MED13L: variants seen among roughly 807,000 people sequenced by gnomAD.
The protein encoded by MED13L is mediator of RNA polymerase II transcription subunit 13-like.
MED13L carries 7 observed loss-of-function variants against 220.9 expected under a neutral mutation model. The observed-to-expected ratio is 0.03, with a 90% CI of 0.02 to 0.06. The LOEUF (loss-of-function observed/expected upper bound fraction) is 0.06, where lower values mean the gene tolerates loss of function less well. Among genes scored for constraint, MED13L ranks in the 10% least tolerant of loss-of-function variants. The pLI is 1.00. For synonymous variants in MED13L, 1,011 were observed against 1,015.2 expected (o/e 1.00, Z 0.08); for missense variants, 1,965 against 2,760.5 (o/e 0.71, Z 6.46).
intron 16 of MED13L, among the ~76,000 whole-genome samples, chr12:115,996,249 C>T (rs938246185): frequency 1.2e-4 from 19 of 152,204 alleles, no homozygotes; most frequent in African/African-American, 3.6e-4. Context: ...TGCCACCAAG[C>T]CCAGCTAATT....
At chr12:116,110,227 G>C (rs1037110421) in intron 3 of MED13L, 1 of 152,104 alleles carries the variant, frequency 6.6e-6, no homozygotes, top group Admixed American at 6.6e-5. Context: ...ACATAGGAGC[G>C]AGCCATCACA....
chr12:116,051,708 G>T (rs1868522552), intron 4 of MED13L, among the ~76,000 whole-genome samples: 1 of 152,098 alleles, frequency 6.6e-6, no homozygotes, highest in Non-Finnish European at 1.5e-5. Flanking sequence ...AATCCTGAAG[G>T]TAATTTTGCA....
At chr12:115,982,816 T>C (rs928129673) in intron 21 of MED13L, among the ~76,000 whole-genome samples, 3 of 152,238 alleles carry the variant, frequency 2.0e-5, no homozygotes, top group African/African-American at 7.2e-5. Context: ...TCCTCTAAAA[T>C]GGGAGGTATC....
rs535707954 is a variant in MED13L, at chr12:116,127,286, ATAATT to A, written c.311-15779_311-15775del. Among the ~76,000 whole-genome samples the A allele has an allele frequency of 4.9e-4, 74 of 152,254 alleles. 1 individual carries two copies. Among genetic ancestry groups the A allele is most frequent in the Admixed American group, 7.2e-4 (11 of 15,266 alleles). ...TATGAAATTTTGTTTGTTATAACTC[ATAATT>A]TAAAAACATTTTTTCAATTCCGATT... On this transcript the variant is annotated intron_variant, in intron 2 of 30. Transcript: ENST00000281928.
Position 116,277,532 on chromosome 12 carries a change from C to T in MED13L, c.-401G>A, listed in dbSNP as rs1255998100. Among the ~76,000 whole-genome samples the T allele has an allele frequency of 2.0e-5, 3 of 149,308 alleles. No individual in the cohort carries two copies. The East Asian group carries it at 6.0e-4, about 30-fold the overall frequency. On this transcript the variant is annotated 5_prime_UTR_variant, in exon 1 of 31. Coordinates refer to ENST00000281928, the MANE Select transcript of MED13L (RefSeq NM_015335.5). ...GCCGCCGCCTCGGAGCCGCCGCCGC[C>T]GCGGAGCGCGAACTCGCGAAGGGGG...
intron 2 of MED13L, among the ~76,000 whole-genome samples, chr12:116,121,365 T>C (rs1344834505): frequency 2.0e-5 from 3 of 152,050 alleles, no homozygotes; most frequent in Admixed American, 6.6e-5. Flanking sequence ...AGAAAAAACA[T>C]AGAAAAGGTT....
At chr12:116,197,453 G>A (rs1466953100) in intron 2 of MED13L, among the ~76,000 whole-genome samples, 1 of 152,026 alleles carries the variant, frequency 6.6e-6, no homozygotes. Flanking sequence ...GGACACAAAT[G>A]GGAGCTCCAA....
chr12:116,169,547 T>C (rs889047473), intron 2 of MED13L, among the ~76,000 whole-genome samples: 2 of 152,208 alleles, frequency 1.3e-5, no homozygotes, highest in Non-Finnish European at 2.9e-5. Context: ...TAACAATACG[T>C]TGTTTTGGTT....
At chr12:116,078,347 T>C in intron 4 of MED13L, among the ~76,000 whole-genome samples, 1 of 152,300 alleles carries the variant, frequency 6.6e-6, no homozygotes, top group African/African-American at 2.4e-5. Context: ...AATTTCTACA[T>C]ATAATTTCTA....
chr12:116,133,806 C>T (rs1037626747), intron 2 of MED13L, among the ~76,000 whole-genome samples: 8 of 152,196 alleles, frequency 5.3e-5, no homozygotes, highest in African/African-American at 1.9e-4. Context: ...TCAGGAAGAT[C>T]ACTTTTGGAG....
intron 14 of MED13L, 141 bp from the exon 15 acceptor site, chr12:115,997,371 G>A: frequency 2.9e-6 from 2 of 688,862 alleles, no homozygotes; most frequent in Non-Finnish European, 4.9e-6. Flanking sequence ...ATTAATAATG[G>A]AAGTGACTAA....
intron 4 of MED13L, among the ~76,000 whole-genome samples, chr12:116,083,686 CAAAA>C (rs1039720974): frequency 6.6e-6 from 1 of 152,116 alleles, no homozygotes. Flanking sequence ...GCTGCACGTA[CAAAA>C]AGTCATAATT....
At chr12:116,120,038 C>T (rs942219921) in intron 2 of MED13L, among the ~76,000 whole-genome samples, 2 of 151,670 alleles carry the variant, frequency 1.3e-5, no homozygotes, top group Admixed American at 1.3e-4. Flanking sequence ...TTCATAGCTG[C>T]TGTGGCTAGA....
intron 7 of MED13L, among the ~76,000 whole-genome samples, chr12:116,016,753 C>T (rs1374771078): frequency 6.6e-6 from 1 of 152,158 alleles, no homozygotes; most frequent in African/African-American, 2.4e-5. Context: ...AGACTTGTTA[C>T]TCCAATCTGT....
intron 4 of MED13L, among the ~76,000 whole-genome samples, chr12:116,078,634 TG>T (rs1428984609): frequency 1.3e-5 from 2 of 152,232 alleles, no homozygotes; most frequent in Non-Finnish European, 2.9e-5. Flanking sequence ...TATGCCTCTT[TG>T]CTTACATATC....
chr12:116,153,633 C>T (rs1878217902), intron 2 of MED13L, among the ~76,000 whole-genome samples: 1 of 152,182 alleles, frequency 6.6e-6, no homozygotes, highest in South Asian at 2.1e-4. Context: ...CCTATGGCAA[C>T]TCCTCACAGG....
intron 2 of MED13L, among the ~76,000 whole-genome samples, chr12:116,125,364 C>T (rs970420070): frequency 2.0e-5 from 3 of 152,154 alleles, no homozygotes; most frequent in Non-Finnish European, 4.4e-5. Flanking sequence ...TTTTGTAAAA[C>T]AGCAAAATGC....
In MED13L at chr12:115,991,303, T is replaced by A. The variant is rs1488495787; in HGVS notation, c.3651A>T (p.Lys1217Asn). Residue 1217 changes from lysine to asparagine, a missense_variant, in exon 17 of 31, where the codon AAA (lysine) becomes AAT (asparagine). Around this residue, in one of 10 missense-constraint regions of MED13L, gnomAD observed 165 missense variants for 190.8 expected, o/e 0.86. Transcript: ENST00000281928. This position sits in a 1 kb window ranked among gnomAD's most constrained non-coding sequence, Gnocchi z 7.7. ...TFLPQVEGTKKPQEPPISLLL... is the reference protein window; with the variant it reads ...TFLPQVEGTKNPQEPPISLLL... Reference sequence around the variant, plus strand: ...GAAGGCTTATGGGTGGCTCCTGGGGTTTTTTGGTTCCTTCCACCTGAGGAA... The same window carrying A: ...GAAGGCTTATGGGTGGCTCCTGGGGATTTTTGGTTCCTTCCACCTGAGGAA... The A allele has an allele frequency of 6.2e-7, 1 of 1,613,542 alleles. No homozygotes were observed. Among genetic ancestry groups the A allele is most frequent in the Non-Finnish European group, 8.5e-7 (1 of 1,179,898 alleles).
chr12:115,985,969 G>T (rs181941640), intron 19 of MED13L, among the ~76,000 whole-genome samples: 1 of 152,130 alleles, frequency 6.6e-6, no homozygotes, highest in Non-Finnish European at 1.5e-5. Context: ...CTTTCCCCTG[G>T]TGAGCAATAT....
Sources: allele counts gnomAD v4.1 joint callset (sites outside exome capture counted in the v4.1 genomes callset), GRCh38; gene constraint gnomAD v4.1.1; regional missense constraint gnomAD v4.1.1; non-coding constraint Gnocchi (gnomAD v3.1); transcripts MANE v1.5; gene names NCBI Gene and HGNC (gene_info 2026-07-23, HGNC 2026-07-21).